TRAPPC13: variants seen among roughly 807,000 people sequenced by gnomAD.
TRAPPC13 encodes REV7-interacting novel NHEJ regulator 1.
Under a neutral mutation model 54.0 loss-of-function variants are expected in TRAPPC13, and 39 were observed. The observed-to-expected ratio is 0.72, with a 90% CI of 0.56 to 0.94. The LOEUF is 0.94. Among genes scored for constraint, TRAPPC13 ranks in the 40% least tolerant of loss-of-function variants. TRAPPC13 has a pLI of 0.00. For synonymous variants in TRAPPC13, 148 were observed against 167.7 expected (o/e 0.88, Z 0.91); for missense variants, 386 against 488.1 (o/e 0.79, Z 1.97).
At chr5:65,663,972 C>T in intron 11 of TRAPPC13, 1 of 377,276 alleles carries the variant, frequency 2.7e-6, no homozygotes, top group Non-Finnish European at 4.7e-6. Context: ...ACCAGGAGGC[C>T]AGTGTTGAGT....
At chr5:65,662,323 T>A in intron 11 of TRAPPC13, 173 bp downstream of exon 11, 1 of 493,682 alleles carries the variant, frequency 2.0e-6, no homozygotes, top group Non-Finnish European at 3.5e-6. Context: ...TAATTACATA[T>A]TTTTAAGGGC....
At chr5:65,648,455 C>G (rs1222970510) in intron 5 of TRAPPC13, among the ~76,000 whole-genome samples, 1 of 152,172 alleles carries the variant, frequency 6.6e-6, no homozygotes, top group Non-Finnish European at 1.5e-5. Context: ...GTCCAAGGAT[C>G]TAGCAGAGAA....
intron 7 of TRAPPC13, among the ~76,000 whole-genome samples, chr5:65,653,377 A>G (rs1401779218): frequency 6.6e-6 from 1 of 152,188 alleles, no homozygotes; most frequent in Admixed American, 6.5e-5. Context: ...ATTTTTAATC[A>G]CATGGCAAAT....
rs540141192 is a variant in TRAPPC13, at chr5:65,645,457, A to C, written c.301-1598A>C. ...TATAACAAAAGACACAGCAGTAATA[A>C]ATATCCCATTTCAAAGTGTCTAACA... is the stretch of plus-strand genomic sequence containing the variant. On this transcript the variant is annotated intron_variant, in intron 4 of 12. Transcript: ENST00000399438. Among the ~76,000 whole-genome samples, 313 of 152,222 alleles carry C rather than the reference A, an allele frequency of 2.1e-3. 3 individuals carry two copies. Among genetic ancestry groups the C allele is most frequent in the African/African-American group, 6.8e-3 (282 of 41,516 alleles).
intron 1 of TRAPPC13, chr5:65,634,872 C>G (rs1755689724): frequency 1.7e-6 from 1 of 594,742 alleles, no homozygotes; most frequent in Non-Finnish European, 2.1e-6. Context: ...ACACTCCAGC[C>G]TGGGTGACAG....
chr5:65,638,849 C>T (rs187185404), intron 4 of TRAPPC13, among the ~76,000 whole-genome samples: 54 of 152,116 alleles, frequency 3.5e-4, no homozygotes, highest in African/African-American at 1.3e-3. Context: ...TTTGGGAGGC[C>T]AAGGCGGGTG....
chr5:65,634,748 A>AT (rs1246414066), intron 1 of TRAPPC13, among the ~76,000 whole-genome samples: 2 of 152,078 alleles, frequency 1.3e-5, no homozygotes, highest in South Asian at 2.1e-4. Context: ...AAAAAAAAAA[A>AT]AATAACCAGG....
chr5:65,634,736 CA>C (rs34033405), intron 1 of TRAPPC13, among the ~76,000 whole-genome samples: 159 of 96,184 alleles, frequency 1.7e-3, no homozygotes, highest in African/African-American at 2.0e-3. Context: ...ACTAAAAATA[CA>C]AAAAAAAAAA....
intron 5 of TRAPPC13, among the ~76,000 whole-genome samples, chr5:65,647,459 G>T (rs192591624): frequency 6.6e-6 from 1 of 152,072 alleles, no homozygotes; most frequent in African/African-American, 2.4e-5. Flanking sequence ...AACCCAGGTA[G>T]CACTCTAAAA....
rs1357466066 is a variant in TRAPPC13, at chr5:65,664,900, C to A, written c.*289C>A. On this transcript the variant is annotated 3_prime_UTR_variant, in exon 13 of 13. Coordinates refer to ENST00000399438, the MANE Select transcript of TRAPPC13 (RefSeq NM_024941.4). ...AGCTGTGTATCTGAGACCATTTGTC[C>A]CTAGCAAGTTATCTAGAACACGAGT... 6 of 380,192 alleles carry A rather than the reference C, an allele frequency of 1.6e-5. No individual in the cohort carries two copies. The highest frequency in any genetic ancestry group is 2.4e-5 in the Non-Finnish European group (5 of 211,004). The allele number at this position is 380,192 out of a possible 1,614,324, so 23.6% of individuals were successfully genotyped here. A position where few individuals can be genotyped will look rare whatever the true frequency, so the allele number is the denominator to read the frequency against.
intron 4 of TRAPPC13, among the ~76,000 whole-genome samples, chr5:65,638,913 A>G (rs1383565600): frequency 6.6e-6 from 1 of 152,078 alleles, no homozygotes; most frequent in African/African-American, 2.4e-5. Flanking sequence ...GTGAAATACC[A>G]TCTCTACTAA....
At chr5:65,662,924 A>C (rs1173291894) in intron 11 of TRAPPC13, 1 of 152,182 alleles carries the variant, frequency 6.6e-6, no homozygotes, top group Non-Finnish European at 1.5e-5. Context: ...CCATCATAGA[A>C]AATTTTAACT....
intron 12 of TRAPPC13, 55 bp from the exon 13 acceptor site, chr5:65,664,449 C>G: frequency 6.3e-7 from 1 of 1,598,862 alleles, no homozygotes; most frequent in East Asian, 2.2e-5. Context: ...TTTGTGATGT[C>G]TGTATTTCCT....
chr5:65,633,733 A>G (rs1429878941), intron 1 of TRAPPC13, among the ~76,000 whole-genome samples: 2 of 152,022 alleles, frequency 1.3e-5, no homozygotes, highest in Admixed American at 6.5e-5. Context: ...AAAAAATTAT[A>G]GAGTGTTTAC....
At chr5:65,632,730 C>T (rs540837760) in intron 1 of TRAPPC13, among the ~76,000 whole-genome samples, 2 of 152,262 alleles carry the variant, frequency 1.3e-5, no homozygotes, top group South Asian at 2.1e-4. Flanking sequence ...TAGCATAATG[C>T]CTGGCGCTAG....
intron 1 of TRAPPC13, 194 bp downstream of exon 1, chr5:65,625,300 A>G: frequency 1.7e-6 from 1 of 590,466 alleles, no homozygotes; most frequent in East Asian, 2.8e-5. Flanking sequence ...CTAGAACGAA[A>G]TAGATACCTG....
intron 1 of TRAPPC13, among the ~76,000 whole-genome samples, chr5:65,631,921 A>G (rs1355223734): frequency 6.6e-6 from 1 of 151,906 alleles, no homozygotes. Context: ...TAAGAAAAAA[A>G]AAAAAGGAAT....
At chr5:65,660,616 A>C (rs766723388) in intron 9 of TRAPPC13, 83 bp from the exon 10 acceptor site, 37 of 1,150,320 alleles carry the variant, frequency 3.2e-5, no homozygotes, top group Non-Finnish European at 4.4e-5. Flanking sequence ...TCCAGTTCCT[A>C]TCCAAAGGAA....
Position 65,664,551 on chromosome 5 carries a change from T to C in TRAPPC13, c.1194T>C (p.Tyr398=), listed in dbSNP as rs746380472. The C allele has an allele frequency of 1.9e-6, 3 of 1,612,152 alleles. No individual in the cohort carries two copies. The highest frequency in any genetic ancestry group is 2.5e-6 in the Non-Finnish European group (3 of 1,179,524). Residue 398 remains tyrosine, a synonymous_variant, in exon 13 of 13, where the codon TAT becomes TAC. Coordinates refer to ENST00000399438, the MANE Select transcript of TRAPPC13 (RefSeq NM_024941.4). ...CAGACACATTCTTAAAGAGAACATA[T>C]GAATATGATGACATCGCACAAGTCT... ...RLTDTFLKRT[Y]EYDDIAQVCV... is the part of the protein sequence containing the mutation.
Sources: gnomAD v4.1 joint callset for allele counts (sites outside exome capture counted in the v4.1 genomes callset) on GRCh38, gnomAD v4.1.1 for gene constraint, MANE v1.5 for transcripts, NCBI Gene and HGNC (gene_info 2026-07-23, HGNC 2026-07-21) for gene names.